Variants in TMEM178B observed in about 807,000 individuals in gnomAD.
TMEM178B encodes the protein transmembrane protein 178B.
TMEM178B carries 5 observed loss-of-function variants against 31.0 expected under a neutral mutation model. That is an observed-to-expected ratio of 0.16 (90% CI 0.08 to 0.34). The LOEUF is 0.34. Ranked by LOEUF, TMEM178B falls within the 10% of genes least tolerant of loss-of-function variation. TMEM178B has a pLI of 1.00. For missense variants in TMEM178B, 275 were observed against 400.3 expected (o/e 0.69, Z 2.67); for synonymous variants, 164 against 164.0 (o/e 1.00, Z 0.00).
intron 2 of TMEM178B, among the ~76,000 whole-genome samples, chr7:141,224,231 TA>T (rs1797303346): frequency 6.6e-6 from 1 of 152,214 alleles, no homozygotes; most frequent in South Asian, 2.1e-4. Context: ...CTTTATAAAT[TA>T]CCCAGTCTTG....
At chr7:141,162,403 A>G (rs1468833680) in intron 1 of TMEM178B, among the ~76,000 whole-genome samples, 3 of 152,164 alleles carry the variant, frequency 2.0e-5, no homozygotes, top group Admixed American at 2.0e-4. Context: ...TGCTGCCCAC[A>G]CCCAGGGCTG....
chr7:141,326,701 G>A (rs1799196023), intron 2 of TMEM178B, among the ~76,000 whole-genome samples: 1 of 152,190 alleles, frequency 6.6e-6, no homozygotes. Flanking sequence ...GCAGTGTTGA[G>A]TAGTTATGAC....
chr7:141,207,234 TATTGTGA>T (rs1315233917), intron 1 of TMEM178B, among the ~76,000 whole-genome samples: 2 of 152,248 alleles, frequency 1.3e-5, no homozygotes, highest in South Asian at 2.1e-4. Flanking sequence ...ATGTTTTGGC[TATTGTGA>T]ATAATGCTGC....
Position 141,228,677 on chromosome 7 carries a change from C to T in TMEM178B, c.496+15973C>T, listed in dbSNP as rs543397773. Among the ~76,000 whole-genome samples, 81 of 152,344 alleles carry T rather than the reference C, an allele frequency of 5.3e-4. 1 individual carries two copies. Among genetic ancestry groups the T allele is most frequent in the African/African-American group, 1.9e-3 (79 of 41,580 alleles). ...AAGCCCTTGCTCTGGGAGCACTGAG[C>T]TGCCACCAGCTAGGGGTGACCAATG... is the stretch of plus-strand genomic sequence containing the variant. On this transcript the variant is annotated intron_variant, in intron 2 of 3. Coordinates refer to ENST00000565468, the MANE Select transcript of TMEM178B (RefSeq NM_001195278.2).
chr7:141,388,192 C>G (rs895271479), intron 2 of TMEM178B, among the ~76,000 whole-genome samples: 2 of 152,164 alleles, frequency 1.3e-5, no homozygotes, highest in Non-Finnish European at 2.9e-5. Flanking sequence ...GAGGAGGAAG[C>G]CCAGGTGTGT....
At position 141,183,855 on chromosome 7, in the gene TMEM178B, T is replaced by C. The variant is rs555253593; in HGVS notation, c.383-28736T>C. On this transcript the variant is annotated intron_variant, in intron 1 of 3. Transcript: ENST00000565468. Reference sequence around the variant, plus strand: ...GAGGAATGTGGGTTTATCCACGTGCTGGTTCATGGTGGAATTAGCCCCGGC... The same window carrying C: ...GAGGAATGTGGGTTTATCCACGTGCCGGTTCATGGTGGAATTAGCCCCGGC... Among the ~76,000 whole-genome samples the C allele has an allele frequency of 1.1e-4, 17 of 152,352 alleles. No individual in the cohort carries two copies. The South Asian group carries it at 1.9e-3, about 17-fold the overall frequency.
chr7:141,208,483 G>A (rs1797001445), intron 1 of TMEM178B, among the ~76,000 whole-genome samples: 1 of 152,260 alleles, frequency 6.6e-6, no homozygotes, highest in African/African-American at 2.4e-5. Context: ...CCAGCACACT[G>A]ACAGGACCTG....
intron 1 of TMEM178B, among the ~76,000 whole-genome samples, chr7:141,199,567 T>G (rs1045430546): frequency 6.6e-6 from 1 of 152,172 alleles, no homozygotes; most frequent in African/African-American, 2.4e-5. Flanking sequence ...CTTTGCTTCC[T>G]TTTTCCTTCC....
chr7:141,372,891 T>C (rs1800144086), intron 2 of TMEM178B, among the ~76,000 whole-genome samples: 1 of 152,116 alleles, frequency 6.6e-6, no homozygotes, highest in Non-Finnish European at 1.5e-5. Flanking sequence ...GTGAGAAGAC[T>C]GGAGGCAGCG....
chr7:141,381,589 A>G (rs1049331222), intron 2 of TMEM178B, among the ~76,000 whole-genome samples: 7 of 152,226 alleles, frequency 4.6e-5, no homozygotes, highest in Non-Finnish European at 1.5e-5. Context: ...TGATTAGGAC[A>G]TAAGGAGTCT....
At chr7:141,324,457 G>T in intron 2 of TMEM178B, among the ~76,000 whole-genome samples, 1 of 79,080 alleles carries the variant, frequency 1.3e-5, no homozygotes, top group Non-Finnish European at 2.5e-5. Context: ...TTTTTTTCCT[G>T]AGCGATTGAA....
At chr7:141,439,609 C>T (rs2116685548) in intron 3 of TMEM178B, among the ~76,000 whole-genome samples, 1 of 152,312 alleles carries the variant, frequency 6.6e-6, no homozygotes, top group East Asian at 1.9e-4. Flanking sequence ...TGGAGCAGCT[C>T]TGTTTGTAGT....
chr7:141,299,048 G>A (rs974080967), intron 2 of TMEM178B, among the ~76,000 whole-genome samples: 4 of 152,162 alleles, frequency 2.6e-5, no homozygotes, highest in Non-Finnish European at 5.9e-5. Flanking sequence ...AGAGAGAGAT[G>A]TCACTGGAAA....
the TMEM178B span, among the ~76,000 whole-genome samples, chr7:141,510,924 C>G: frequency 6.6e-6 from 1 of 151,898 alleles, no homozygotes; most frequent in Non-Finnish European, 1.5e-5. Context: ...GGCATTCAAT[C>G]CATGCTTAGA....
intron 2 of TMEM178B, among the ~76,000 whole-genome samples, chr7:141,281,722 A>T (rs907901362): frequency 3.3e-5 from 5 of 152,146 alleles, no homozygotes; most frequent in Non-Finnish European, 7.4e-5. Flanking sequence ...GATGGGTCAG[A>T]GTTTTCTAGT....
chr7:141,128,996 AAT>A (rs1795551871), intron 1 of TMEM178B, among the ~76,000 whole-genome samples: 1 of 152,228 alleles, frequency 6.6e-6, no homozygotes, highest in Non-Finnish European at 1.5e-5. Flanking sequence ...CTAAATTAAA[AAT>A]TAGAGTCTAA....
chr7:141,084,677 G>A (rs752326380), intron 1 of TMEM178B, among the ~76,000 whole-genome samples: 1 of 152,096 alleles, frequency 6.6e-6, no homozygotes, highest in Admixed American at 6.6e-5. Flanking sequence ...CCCCGACTAG[G>A]TAATGCTTGT....
At chr7:141,290,032 G>A (rs1043160419) in intron 2 of TMEM178B, among the ~76,000 whole-genome samples, 2 of 152,220 alleles carry the variant, frequency 1.3e-5, no homozygotes, top group Non-Finnish European at 2.9e-5. Context: ...GCAGGGGCTA[G>A]TATGGTCCCT....
intron 2 of TMEM178B, among the ~76,000 whole-genome samples, chr7:141,312,286 A>G (rs1798924237): frequency 6.6e-6 from 1 of 152,216 alleles, no homozygotes. Flanking sequence ...AATTTATTCA[A>G]TGTGCTCTTC....
Sources: gnomAD v4.1 joint callset for allele counts (sites outside exome capture counted in the v4.1 genomes callset) on GRCh38, gnomAD v4.1.1 for gene constraint, MANE v1.5 for transcripts, NCBI Gene and HGNC (gene_info 2026-07-23, HGNC 2026-07-21) for gene names.